PTPN3: variants seen among roughly 807,000 people sequenced by gnomAD.
PTPN3 encodes tyrosine-protein phosphatase non-receptor type 3.
A neutral mutation model predicts 132.7 loss-of-function variants in PTPN3; 96 were observed. The observed-to-expected ratio is 0.72, with a 90% CI of 0.61 to 0.86. The LOEUF is 0.86. PTPN3 is among the 40% of genes least tolerant of loss of function. The probability of loss-of-function intolerance (pLI) is 0.00; values close to 1 mark genes in which losing one functional copy is unlikely to be tolerated. For synonymous variants in PTPN3, 398 were observed against 429.0 expected (o/e 0.93, Z 0.89); for missense variants, 1,125 against 1,159.6 (o/e 0.97, Z 0.43).
At chr9:109,515,809 G>A in the PTPN3 span, among the ~76,000 whole-genome samples, 2 of 152,084 alleles carry the variant, frequency 1.3e-5, no homozygotes, top group East Asian at 1.9e-4. Context: ...AAACCCACTC[G>A]TTACCTTGGA....
chr9:109,484,845 A>AC (rs1275547715), intron 1 of PTPN3, among the ~76,000 whole-genome samples: 2 of 151,570 alleles, frequency 1.3e-5, no homozygotes, highest in African/African-American at 4.9e-5. Flanking sequence ...GCCCTCTATG[A>AC]CCCCCCATCC....
At chr9:109,422,693 A>AC (rs1491038230) in intron 13 of PTPN3, 25 bp downstream of exon 13, 2 of 207,990 alleles carry the variant, frequency 9.6e-6, no homozygotes, top group Non-Finnish European at 1.5e-5. Context: ...TGGGTAGTAC[A>AC]AAAAAAAAAA....
In PTPN3 at chr9:109,415,659, A is replaced by G. The variant is rs532815264; in HGVS notation, c.1313+4765T>C. On this transcript the variant is annotated intron_variant, in intron 14 of 25. Coordinates refer to ENST00000374541, the MANE Select transcript of PTPN3 (RefSeq NM_002829.4). The stretch of plus-strand genomic sequence containing the variant: ...GAGACGATGGTGGCTGCATGGGGGC[A>G]GTGCAGTGGGGATGGTGGAGGAGTC... Among the ~76,000 whole-genome samples the G allele has an allele frequency of 5.3e-4, 81 of 152,308 alleles. No homozygotes were observed. The South Asian group carries it at 0.016, about 31-fold the overall frequency.
chr9:109,491,946 G>A (rs947343437), intron 1 of PTPN3, among the ~76,000 whole-genome samples: 1 of 152,224 alleles, frequency 6.6e-6, no homozygotes, highest in African/African-American at 2.4e-5. Flanking sequence ...CTGTGGAGTA[G>A]AGAATCCACT....
rs1436055224 is a variant in PTPN3 at position 109,376,393 on chromosome 9, C to T, written c.*3163G>A. On this transcript the variant is annotated 3_prime_UTR_variant, in exon 26 of 26. Transcript: ENST00000374541. Reference sequence around the variant, plus strand: ...CCCAGAAAAAGGTCAGGTAGCAACACAGCAGCAATAGTATCCACACTAATC... The same window carrying T: ...CCCAGAAAAAGGTCAGGTAGCAACATAGCAGCAATAGTATCCACACTAATC... 1 of 152,138 alleles carries T rather than the reference C, an allele frequency of 6.6e-6. No homozygotes were observed. Among genetic ancestry groups the T allele is most frequent in the Non-Finnish European group, 1.5e-5 (1 of 68,028 alleles). 9.4% of individuals were successfully genotyped at this position (152,138 alleles called of 1,614,324 possible). A position where few individuals can be genotyped will look rare whatever the true frequency, so the allele number is the denominator to read the frequency against.
At chr9:109,382,519 A>C in intron 23 of PTPN3, 72 bp from the exon 24 acceptor site, 1 of 1,561,654 alleles carries the variant, frequency 6.4e-7, no homozygotes, top group East Asian at 2.2e-5. Context: ...CAACCCAGAC[A>C]CAGGGTGGCC....
the PTPN3 span, among the ~76,000 whole-genome samples, chr9:109,532,568 T>C: frequency 6.7e-6 from 1 of 148,150 alleles, no homozygotes; most frequent in Non-Finnish European, 1.5e-5. Flanking sequence ...AGGCGTATTG[T>C]GAAAAAAACA....
the PTPN3 span, among the ~76,000 whole-genome samples, chr9:109,503,501 T>C: frequency 6.6e-6 from 1 of 152,028 alleles, no homozygotes; most frequent in Non-Finnish European, 1.5e-5. Context: ...GGTCAGGAGT[T>C]TGAGAACAGC....
chr9:109,523,276 G>A, the PTPN3 span, among the ~76,000 whole-genome samples: 16 of 151,842 alleles, frequency 1.1e-4, no homozygotes, highest in Admixed American at 1.3e-4. Context: ...CACCATGCCC[G>A]GCTTATTTTT....
chr9:109,467,344 G>A (rs1409849389), intron 1 of PTPN3, among the ~76,000 whole-genome samples: 1 of 151,980 alleles, frequency 6.6e-6, no homozygotes, highest in African/African-American at 2.4e-5. Flanking sequence ...ATCACCTGAG[G>A]AGCTTTTAAA....
intron 6 of PTPN3, among the ~76,000 whole-genome samples, chr9:109,445,641 G>T (rs1844805640): frequency 6.6e-6 from 1 of 152,142 alleles, no homozygotes; most frequent in Admixed American, 6.5e-5. Flanking sequence ...AGATCAATGG[G>T]CAGCCTTTAA....
chr9:109,474,844 T>C (rs546040065), intron 1 of PTPN3, among the ~76,000 whole-genome samples: 7 of 152,254 alleles, frequency 4.6e-5, no homozygotes, highest in Non-Finnish European at 5.9e-5. Flanking sequence ...CTCAGCTTCA[T>C]CACTTACTGA....
intron 7 of PTPN3, among the ~76,000 whole-genome samples, chr9:109,440,618 A>T (rs1844390684): frequency 6.6e-6 from 1 of 152,244 alleles, no homozygotes; most frequent in African/African-American, 2.4e-5. Context: ...CAAATGCTGT[A>T]AATGACTTTT....
At chr9:109,498,502 C>T (rs2132138239), upstream of PTPN3, among the ~76,000 whole-genome samples, 2 of 152,192 alleles carry the variant, frequency 1.3e-5, no homozygotes, top group East Asian at 3.9e-4. This position sits in a 1 kb window ranked among gnomAD's most constrained non-coding sequence, Gnocchi z 4.2. Flanking sequence ...CCTGAGTTCC[C>T]TCGCGCATGC....
At chr9:109,400,833 T>C (rs1841028356) in intron 19 of PTPN3, among the ~76,000 whole-genome samples, 1 of 152,256 alleles carries the variant, frequency 6.6e-6, no homozygotes. Flanking sequence ...CCTTTCCTAC[T>C]AGTTTCTCAT....
intron 21 of PTPN3, among the ~76,000 whole-genome samples, chr9:109,390,097 G>A (rs1285782484): frequency 6.6e-6 from 1 of 152,140 alleles, no homozygotes; most frequent in Non-Finnish European, 1.5e-5. Flanking sequence ...GGCTTCCTCA[G>A]TCCTGGGATT....
chr9:109,383,475 TCTGA>T lies in PTPN3; in HGVS notation c.2326_2329del (p.Ser776ArgfsTer25). On this transcript the variant is annotated frameshift_variant, in exon 23 of 26. Coordinates refer to ENST00000374541, the MANE Select transcript of PTPN3 (RefSeq NM_002829.4). LOFTEE classifies it high-confidence loss of function. The stretch of plus-strand genomic sequence containing the variant: ...GGACACATAGGCGATGGTGCAGTCC[TCTGA>T]CTGACACTGGATGTGAAAGCCGCCG... 3 of 1,614,062 alleles carry T rather than the reference TCTGA, an allele frequency of 1.9e-6. No homozygotes were observed. The highest frequency in any genetic ancestry group is 2.5e-6 in the Non-Finnish European group (3 of 1,179,996).
intron 1 of PTPN3, among the ~76,000 whole-genome samples, chr9:109,472,702 CCTG>C (rs1231558093): frequency 6.6e-6 from 1 of 152,130 alleles, no homozygotes; most frequent in African/African-American, 2.4e-5. Flanking sequence ...CCATTTTTAG[CCTG>C]CTTTCTTGGC....
upstream of PTPN3, among the ~76,000 whole-genome samples, chr9:109,498,892 G>C (rs1229526901): frequency 6.6e-6 from 1 of 152,130 alleles, no homozygotes; most frequent in Non-Finnish European, 1.5e-5. The surrounding 1 kb of genome is among the most constrained non-coding windows in gnomAD (Gnocchi z 4.2). Flanking sequence ...GGACGTTCTT[G>C]CCCAGCTTTT....
Sources: gnomAD v4.1 joint callset for allele counts (sites outside exome capture counted in the v4.1 genomes callset) on GRCh38, gnomAD v4.1.1 for gene constraint, Gnocchi (gnomAD v3.1) non-coding constraint, MANE v1.5 for transcripts, NCBI Gene and HGNC (gene_info 2026-07-23, HGNC 2026-07-21) for gene names.